Variants in TMTC1 observed in about 807,000 individuals in gnomAD.
TMTC1 encodes the protein transmembrane O-mannosyltransferase targeting cadherins 1.
TMTC1 carries 73 observed loss-of-function variants against 104.8 expected under a neutral mutation model. The observed-to-expected ratio is 0.70, with a 90% CI of 0.58 to 0.85. The LOEUF is 0.85. Among genes scored for constraint, TMTC1 ranks in the 40% least tolerant of loss-of-function variants. The pLI is 0.00. For synonymous variants in TMTC1, 434 were observed against 428.7 expected, an observed-to-expected ratio of 1.01 and a Z score of -0.15; for missense variants, 1,035 against 1,096.1, an observed-to-expected ratio of 0.94 and a Z score of 0.79.
At chr12:29,720,797 G>A (rs1376963572) in intron 5 of TMTC1, among the ~76,000 whole-genome samples, 4 of 151,986 alleles carry the variant, frequency 2.6e-5, no homozygotes, top group African/African-American at 9.7e-5. Context: ...CATTCCACAG[G>A]TTCAGGATTC....
intron 4 of TMTC1, among the ~76,000 whole-genome samples, chr12:29,753,325 G>T (rs995820548): frequency 6.6e-6 from 1 of 152,116 alleles, no homozygotes; most frequent in African/African-American, 2.4e-5. Flanking sequence ...CAGAACCTTT[G>T]AGCTGTGTAA....
Position 29,501,122 on chromosome 12 carries a change from G to A in TMTC1, c.*5724C>T, listed in dbSNP as rs1465926684. On this transcript the variant is annotated 3_prime_UTR_variant, in exon 18 of 18. Coordinates refer to ENST00000539277, the MANE Select transcript of TMTC1 (RefSeq NM_001193451.2). ...ATCAAATGATTTCCACATTATAAAAGCAAGCCATGGCTTCTACAGATATTT... is the reference window on the plus strand; with the variant it reads ...ATCAAATGATTTCCACATTATAAAAACAAGCCATGGCTTCTACAGATATTT... 3 of 152,296 alleles carry A rather than the reference G, an allele frequency of 2.0e-5. No homozygotes were observed. The highest frequency in any genetic ancestry group is 7.2e-5 in the African/African-American group (3 of 41,416). The allele number at this position is 152,296 out of a possible 1,614,324, so 9.4% of individuals were successfully genotyped here.
At chr12:29,521,087 G>T (rs53024) in intron 11 of TMTC1, 122,777 of 174,632 alleles carry the variant, frequency 0.7, 43,576 homozygotes, top group Non-Finnish European at 0.73. Flanking sequence ...CGAAAACGGG[G>T]GATGCAAAAA....
chr12:29,747,763 G>A (rs973840874), intron 5 of TMTC1, among the ~76,000 whole-genome samples: 4 of 152,090 alleles, frequency 2.6e-5, no homozygotes, highest in Non-Finnish European at 5.9e-5. Context: ...GAGTGGCCAT[G>A]GTATGCCAGG....
intron 5 of TMTC1, among the ~76,000 whole-genome samples, chr12:29,674,013 C>A (rs1940627574): frequency 6.6e-6 from 1 of 151,804 alleles, no homozygotes; most frequent in Non-Finnish European, 1.5e-5. Context: ...CCAGCCTCGG[C>A]CTCCCAAAGT....
At chr12:29,705,197 C>CGTGGT (rs1941706644) in intron 5 of TMTC1, among the ~76,000 whole-genome samples, 1 of 152,158 alleles carries the variant, frequency 6.6e-6, no homozygotes, top group African/African-American at 2.4e-5. Context: ...CTATCACCAC[C>CGTGGT]GTGGTGTAAT....
At chr12:29,612,399 T>C (rs2136431680) in intron 6 of TMTC1, among the ~76,000 whole-genome samples, 1 of 152,164 alleles carries the variant, frequency 6.6e-6, no homozygotes, top group South Asian at 2.1e-4. Context: ...GTTCATCCAT[T>C]CATCTTTTTA....
intron 1 of TMTC1, among the ~76,000 whole-genome samples, chr12:29,769,369 T>C (rs918330111): frequency 2.0e-4 from 30 of 152,170 alleles, no homozygotes; most frequent in African/African-American, 7.2e-4. Context: ...CAGCTGTATG[T>C]TGGCAGACTC....
At chr12:29,684,803 C>T (rs11050372) in intron 5 of TMTC1, among the ~76,000 whole-genome samples, 21,005 of 152,114 alleles carry the variant, frequency 0.14, 1,725 homozygotes, top group East Asian at 0.34. Flanking sequence ...GCCACACACA[C>T]ACACAGTTGG....
intron 5 of TMTC1, among the ~76,000 whole-genome samples, chr12:29,646,586 G>C (rs930250550): frequency 1.3e-5 from 2 of 152,088 alleles, no homozygotes. Context: ...ACTGCCACAA[G>C]CTCTCTCATG....
chr12:29,624,616 T>A (rs1403604242), intron 6 of TMTC1, among the ~76,000 whole-genome samples: 1 of 152,184 alleles, frequency 6.6e-6, no homozygotes, highest in East Asian at 1.9e-4. Flanking sequence ...GCTCTTGGAA[T>A]GCTCTTCCCC....
At chr12:29,604,566 T>C (rs147181594) in intron 6 of TMTC1, among the ~76,000 whole-genome samples, 8 of 152,224 alleles carry the variant, frequency 5.3e-5, no homozygotes, top group African/African-American at 1.7e-4. Context: ...CCGCTACCTG[T>C]TGTTTAGGGC....
intron 5 of TMTC1, among the ~76,000 whole-genome samples, chr12:29,688,765 T>A (rs16934774): frequency 6.6e-6 from 1 of 152,124 alleles, no homozygotes; most frequent in African/African-American, 2.4e-5. Flanking sequence ...AATAACTTGC[T>A]TGAGCTACTA....
At chr12:29,662,666 CA>C (rs35610791) in intron 5 of TMTC1, among the ~76,000 whole-genome samples, 37,829 of 86,586 alleles carry the variant, frequency 0.44, 4,321 homozygotes, top group Non-Finnish European at 0.45. Context: ...GACTCCGTCT[CA>C]AAAAAAAAAA....
At chr12:29,511,334 G>A (rs569171758) in intron 17 of TMTC1, among the ~76,000 whole-genome samples, 4 of 152,030 alleles carry the variant, frequency 2.6e-5, no homozygotes, top group African/African-American at 9.6e-5. Flanking sequence ...AGCACCATAA[G>A]AACAGGAATT....
intron 8 of TMTC1, among the ~76,000 whole-genome samples, chr12:29,579,269 G>C (rs547095412): frequency 1.2e-4 from 19 of 152,284 alleles, no homozygotes; most frequent in African/African-American, 4.1e-4. Context: ...TCACTAATGT[G>C]TCCATGTGTT....
intron 9 of TMTC1, among the ~76,000 whole-genome samples, chr12:29,571,413 T>C (rs1945673084): frequency 6.6e-6 from 1 of 151,862 alleles, no homozygotes; most frequent in African/African-American, 2.4e-5. Flanking sequence ...ACTGGCTGGT[T>C]GGGTACTTCC....
chr12:29,578,709 C>G lies in TMTC1; in HGVS notation c.1418+4698G>C, dbSNP rs142929793. On this transcript the variant is annotated intron_variant, in intron 8 of 17. Transcript: ENST00000539277. Reference sequence around the variant, plus strand: ...GTGTATCTCCAAGGTTTTAGAACATCAATTTGTTTTGTTGGCATCATTGGA... The same window carrying G: ...GTGTATCTCCAAGGTTTTAGAACATGAATTTGTTTTGTTGGCATCATTGGA... Among the ~76,000 whole-genome samples the G allele has an allele frequency of 2.6e-4, 39 of 152,204 alleles. 1 individual carries two copies. Among genetic ancestry groups the G allele is most frequent in the African/African-American group, 7.0e-4 (29 of 41,538 alleles).
chr12:29,574,077 G>C (rs1481627286), intron 8 of TMTC1, among the ~76,000 whole-genome samples: 1 of 152,102 alleles, frequency 6.6e-6, no homozygotes, highest in Non-Finnish European at 1.5e-5. Flanking sequence ...AGGGGCCATA[G>C]GGAGGAACAG....
Sources: gnomAD v4.1 joint callset for allele counts (sites outside exome capture counted in the v4.1 genomes callset) on GRCh38, gnomAD v4.1.1 for gene constraint, MANE v1.5 for transcripts, NCBI Gene and HGNC (gene_info 2026-07-23, HGNC 2026-07-21) for gene names.